Variants in TJP1 observed in about 807,000 individuals in gnomAD.
The protein encoded by TJP1 is tight junction protein ZO-1.
In TJP1, 43 loss-of-function variants were observed where a neutral mutation model predicts 194.2. The ratio of observed to expected loss-of-function variants is 0.22; its 90% CI spans 0.17 to 0.29. The LOEUF (loss-of-function observed/expected upper bound fraction) is 0.29, where lower values mean the gene tolerates loss of function less well. Among genes scored for constraint, TJP1 ranks in the 10% least tolerant of loss-of-function variants. The pLI is 1.00. For missense variants in TJP1, 1,971 were observed against 2,185.7 expected, an observed-to-expected ratio of 0.90 and a Z score of 1.96; for synonymous variants, 801 against 779.0, an observed-to-expected ratio of 1.03 and a Z score of -0.47.
At chr15:29,950,118 C>T (rs1397194382) in intron 2 of TJP1, among the ~76,000 whole-genome samples, 1 of 70,048 alleles carries the variant, frequency 1.4e-5, no homozygotes, top group Non-Finnish European at 2.8e-5. Flanking sequence ...ACCACCTCCA[C>T]AACCACCACC....
intron 2 of TJP1, among the ~76,000 whole-genome samples, chr15:29,851,714 A>T (rs1326465014): frequency 6.6e-6 from 1 of 152,266 alleles, no homozygotes; most frequent in Non-Finnish European, 1.5e-5. Flanking sequence ...TATAGCTATG[A>T]TTAAGACTAT....
rs4633661 is a variant in TJP1 at position 29,902,102 on chromosome 15, C to T, written c.306+54130G>A. Among the ~76,000 whole-genome samples the T allele has an allele frequency of 2.3e-3, 346 of 152,196 alleles. 2 individuals are homozygous for T. The highest frequency in any genetic ancestry group is 7.9e-3 in the African/African-American group (329 of 41,538). On this transcript the variant is annotated intron_variant, in intron 2 of 28. Transcript: ENST00000356107. ...ACAAATTGGAAGAGGGGAAAAAATCCAGATAGTAAATGAAATTTTTACTAT... is the reference window on the plus strand; with the variant it reads ...ACAAATTGGAAGAGGGGAAAAAATCTAGATAGTAAATGAAATTTTTACTAT...
intron 2 of TJP1, among the ~76,000 whole-genome samples, chr15:29,789,089 A>C (rs943522919): frequency 2.0e-5 from 3 of 152,230 alleles, no homozygotes; most frequent in African/African-American, 7.2e-5. Flanking sequence ...ACTAAATAAG[A>C]CCTATTATAA....
rs371810528 is a variant in TJP1, at chr15:29,913,921, G to A, written c.306+42311C>T. On this transcript the variant is annotated intron_variant, in intron 2 of 28. Transcript: ENST00000356107. ...GAGATAAGATGTACTACAGAGGACC[G>A]TACTTGCATATGAAAATAAAAAGCA... Among the ~76,000 whole-genome samples the A allele has an allele frequency of 3.9e-5, 6 of 152,158 alleles. 1 individual carries two copies. In the South Asian group the frequency reaches 1.0e-3, roughly 26 times the overall value.
At chr15:29,749,512 T>C (rs762068190) in intron 8 of TJP1, among the ~76,000 whole-genome samples, 2 of 152,134 alleles carry the variant, frequency 1.3e-5, no homozygotes, top group African/African-American at 2.4e-5. Flanking sequence ...GGGGAGACGC[T>C]GTAGGAGAGA....
At position 29,744,177 on chromosome 15, in the gene TJP1, CA is replaced by C. The variant is rs1049768096; in HGVS notation, c.1011-1397del. On this transcript the variant is annotated intron_variant, in intron 8 of 27. Coordinates refer to ENST00000614355, the MANE Select transcript of TJP1 (RefSeq NM_001330239.4). ...TTGGTGACAGAGCAAGACTCTGTCT[CA>C]AAAAAAAGAAATCATATTATCATCC... 1.5e-4 allele frequency among the ~76,000 whole-genome samples: 22 copies of C among 151,392 alleles called. No homozygotes were observed. In the East Asian group the frequency reaches 3.5e-3, roughly 24 times the overall value.
chr15:29,776,034 T>C (rs1268352837), intron 2 of TJP1, among the ~76,000 whole-genome samples: 1 of 152,180 alleles, frequency 6.6e-6, no homozygotes, highest in Non-Finnish European at 1.5e-5. Context: ...CTAAATTCTT[T>C]TTATGAAGCA....
chr15:29,769,612 C>A (rs907749630), intron 4 of TJP1, among the ~76,000 whole-genome samples: 5 of 152,066 alleles, frequency 3.3e-5, no homozygotes, highest in African/African-American at 1.2e-4. Context: ...CACAGTCATG[C>A]ACCATGTAAA....
intron 1 of TJP1, among the ~76,000 whole-genome samples, chr15:29,804,677 A>C (rs932132119): frequency 6.6e-6 from 1 of 152,042 alleles, no homozygotes; most frequent in African/African-American, 2.4e-5. Flanking sequence ...TAATATCCTT[A>C]TTGTAAACTT....
At chr15:29,913,789 A>G (rs139778449) in intron 2 of TJP1, among the ~76,000 whole-genome samples, 126 of 152,328 alleles carry the variant, frequency 8.3e-4, no homozygotes, top group African/African-American at 2.9e-3. Flanking sequence ...AGAACAAAAA[A>G]ATGATTTCAC....
chr15:29,779,143 C>G (rs1306241135), intron 2 of TJP1, among the ~76,000 whole-genome samples: 1 of 152,180 alleles, frequency 6.6e-6, no homozygotes, highest in Admixed American at 6.5e-5. Context: ...TTTCCAGGAA[C>G]CAGTTGGCAG....
chr15:29,968,270 C>G (rs1427986112), intron 1 of TJP1: 1 of 985,086 alleles, frequency 1.0e-6, no homozygotes, highest in Non-Finnish European at 1.2e-6. Flanking sequence ...CACCGTGATA[C>G]CAATGAATTC....
chr15:29,743,769 CAA>C (rs1303355316), intron 8 of TJP1, among the ~76,000 whole-genome samples: 1 of 152,072 alleles, frequency 6.6e-6, no homozygotes, highest in Non-Finnish European at 1.5e-5. Context: ...CAAGACAACT[CAA>C]GAGAGAAATG....
At chr15:29,880,284 A>G (rs887114189) in intron 2 of TJP1, among the ~76,000 whole-genome samples, 1 of 152,194 alleles carries the variant, frequency 6.6e-6, no homozygotes, top group African/African-American at 2.4e-5. Flanking sequence ...ATTTAAACAG[A>G]TTAACTGAGG....
rs749109567 is a variant in TJP1 at position 29,761,776 on chromosome 15, C to T, written c.694-7G>A. The T allele has an allele frequency of 6.6e-7, 1 of 1,522,900 alleles. No homozygotes were observed. Among genetic ancestry groups the T allele is most frequent in the African/African-American group, 1.4e-5 (1 of 73,040 alleles). 94.3% of individuals were successfully genotyped at this position (1,522,900 alleles called of 1,614,324 possible). ...CTGTCACAGTACCATTTATCTGCAA[C>T]AGAAAATAAATTACAGCTTGAAAGT... On this transcript the variant is annotated splice_polypyrimidine_tract_variant and splice_region_variant and intron_variant, in intron 6 of 27. Transcript: ENST00000614355.
At chr15:29,747,327 A>T (rs1227550493) in intron 8 of TJP1, among the ~76,000 whole-genome samples, 1 of 152,086 alleles carries the variant, frequency 6.6e-6, no homozygotes, top group Non-Finnish European at 1.5e-5. Flanking sequence ...AAAGATCAAA[A>T]TTTTTAGCCA....
At chr15:29,780,463 G>GT (rs1307338756) in intron 2 of TJP1, among the ~76,000 whole-genome samples, 1 of 152,112 alleles carries the variant, frequency 6.6e-6, no homozygotes, top group Non-Finnish European at 1.5e-5. Context: ...GCAATGGGGG[G>GT]TGGCTGCACA....
At chr15:29,961,513 AGAGG>A (rs1567239323) in intron 1 of TJP1, among the ~76,000 whole-genome samples, 1 of 151,756 alleles carries the variant, frequency 6.6e-6, no homozygotes. Context: ...TATCCTCCCT[AGAGG>A]GAAGGTGGGG....
intron 2 of TJP1, among the ~76,000 whole-genome samples, chr15:29,911,150 T>G (rs1223907688): frequency 1.3e-5 from 2 of 152,204 alleles, no homozygotes; most frequent in African/African-American, 4.8e-5. Context: ...CCTACTCAAA[T>G]GCAGTCATGT....
Sources: allele counts gnomAD v4.1 joint callset (sites outside exome capture counted in the v4.1 genomes callset), GRCh38; gene constraint gnomAD v4.1.1; transcripts MANE v1.5; gene names NCBI Gene and HGNC (gene_info 2026-07-23, HGNC 2026-07-21).